PSD: variants seen among roughly 807,000 people sequenced by gnomAD.
PSD encodes pleckstrin and Sec7 domain containing.
PSD carries 32 observed loss-of-function variants against 91.6 expected under a neutral mutation model. That is an observed-to-expected ratio of 0.35 (90% CI 0.26 to 0.47). The LOEUF (loss-of-function observed/expected upper bound fraction) is 0.47. Ranked by LOEUF, PSD falls within the 20% of genes least tolerant of loss-of-function variation. PSD has a pLI of 1.00. For synonymous variants in PSD, 532 were observed against 569.3 expected (o/e 0.93, Z 0.93); for missense variants, 1,099 against 1,373.9 (o/e 0.80, Z 3.16).
chr10:102,402,844 A>T lies in PSD; in HGVS notation c.*356T>A. ...CTGTCCAAGCCAGGCCCCAGGACAG[A>T]GGGGGACTGATGGTGTCAGGGTGGG... is the stretch of plus-strand genomic sequence containing the variant. On this transcript the variant is annotated 3_prime_UTR_variant, in exon 17 of 17. Coordinates refer to ENST00000020673, the MANE Select transcript of PSD (RefSeq NM_002779.5). The T allele has an allele frequency of 3.9e-6, 1 of 258,270 alleles. No homozygotes were observed. The highest frequency in any genetic ancestry group is 7.3e-6 in the Non-Finnish European group (1 of 136,190). 16.0% of individuals were successfully genotyped at this position (258,270 alleles called of 1,614,324 possible). A position where few individuals can be genotyped will look rare whatever the true frequency, so the allele number is the denominator to read the frequency against.
intron 7 of PSD, 94 bp from the exon 8 acceptor site, chr10:102,411,913 G>A (rs2061428934): frequency 2.0e-6 from 2 of 983,752 alleles, no homozygotes; most frequent in Non-Finnish European, 3.2e-6. Context: ...CAGCAGCTGG[G>A]GTGGGAAGGG....
rs1565227813 is a variant in PSD at position 102,415,096 on chromosome 10, G to A, written c.891C>T (p.Arg297=). ...CCAGCACCTCATCGATGTCAGTCTC[G>A]CGGTAGCACCTCAGGGGCACCGTGT... ...DLDTVPLRCY[R]ETDIDEVLAE... The change falls in exon 4 of 17, where the codon CGC becomes CGT. Residue 297 remains arginine (R), a synonymous_variant. Transcript: ENST00000020673. 5 of 1,613,860 alleles carry A rather than the reference G, an allele frequency of 3.1e-6. No homozygotes were observed. The highest frequency in any genetic ancestry group is 3.3e-5 in the Admixed American group (2 of 60,006).
chr10:102,416,752 GC>G lies in PSD; in HGVS notation c.286del (p.Ala96ProfsTer16). The G allele has an allele frequency of 1.3e-6, 2 of 1,590,646 alleles. No homozygotes were observed. Among genetic ancestry groups the G allele is most frequent in the Non-Finnish European group, 1.7e-6 (2 of 1,168,620 alleles). Reference sequence around the variant, plus strand: ...GCGGAAGATGACCACAGAGCTCTGGGCCCCGGGTGGGGGCTGCCCAGTGGGT... The same window carrying G: ...GCGGAAGATGACCACAGAGCTCTGGGCCCGGGTGGGGGCTGCCCAGTGGGT... ...SSPTGQPPPG[A>X]QSSVVIFRFV... On this transcript the variant is annotated frameshift_variant, in exon 2 of 17. Coordinates refer to ENST00000020673, the MANE Select transcript of PSD (RefSeq NM_002779.5). LOFTEE classifies it high-confidence loss of function. This position sits in a 1 kb window ranked among gnomAD's most constrained non-coding sequence, Gnocchi z 6.0.
At position 102,410,997 on chromosome 10, in the gene PSD, A is replaced by T. The variant is rs2061419523; in HGVS notation, c.2002-50T>A. The stretch of plus-strand genomic sequence containing the variant: ...GAGTTTGGAGGGCCCTTGGCCTCCC[A>T]GGTCCTGCATGTCTGGCCAGGGGTT... On this transcript the variant is annotated intron_variant, in intron 9 of 16. Coordinates refer to ENST00000020673, the MANE Select transcript of PSD (RefSeq NM_002779.5). The surrounding 1 kb of genome is among the most constrained non-coding windows in gnomAD (Gnocchi z 6.0). The T allele has an allele frequency of 3.1e-6, 5 of 1,612,990 alleles. No individual in the cohort carries two copies. The highest frequency in any genetic ancestry group is 4.2e-6 in the Non-Finnish European group (5 of 1,179,118).
At chr10:102,406,508 CTTTTTTT>C (rs1192531225) in intron 11 of PSD, among the ~76,000 whole-genome samples, 22 of 140,100 alleles carry the variant, frequency 1.6e-4, no homozygotes, top group African/African-American at 2.7e-4. Flanking sequence ...TTTCTTTTTT[CTTTTTTT>C]TTTTTTTTTT....
Position 102,416,300 on chromosome 10 carries a change from G to T in PSD, c.654+85C>A. Reference sequence around the variant, plus strand: ...TAGAACAGATTAAAGGATTCAGAGTGAACAGCAGACAAGCCCATGTCTGAC... The same window carrying T: ...TAGAACAGATTAAAGGATTCAGAGTTAACAGCAGACAAGCCCATGTCTGAC... On this transcript the variant is annotated intron_variant, in intron 2 of 16. Coordinates refer to ENST00000020673, the MANE Select transcript of PSD (RefSeq NM_002779.5). The surrounding 1 kb of genome is among the most constrained non-coding windows in gnomAD (Gnocchi z 6.0). The T allele has an allele frequency of 6.9e-7, 1 of 1,458,698 alleles. No homozygotes were observed. The highest frequency in any genetic ancestry group is 9.3e-7 in the Non-Finnish European group (1 of 1,070,810). 90.4% of individuals were successfully genotyped at this position (1,458,698 alleles called of 1,614,324 possible). A position where few individuals can be genotyped will look rare whatever the true frequency, so the allele number is the denominator to read the frequency against.
chr10:102,408,839 G>A (rs2135453731), intron 10 of PSD: 3 of 978,408 alleles, frequency 3.1e-6, no homozygotes, highest in East Asian at 1.1e-4. Context: ...CCTCCCACAA[G>A]CCGCCCCCTC....
At position 102,417,086 on chromosome 10, in the gene PSD, C is replaced by T. The variant is rs538158149; in HGVS notation, c.-48G>A. On this transcript the variant is annotated 5_prime_UTR_variant, in exon 2 of 17. Transcript: ENST00000020673. ...GGGGGGCAGGGATGGCGAGGCCAGG[C>T]GGGGAGTAAGGGGGCTGCATGCTCT... 305 of 1,068,956 alleles carry T rather than the reference C, an allele frequency of 2.9e-4. No individual in the cohort carries two copies. Among genetic ancestry groups the T allele is most frequent in the Middle Eastern group, 1.2e-3 (4 of 3,462 alleles). The allele number at this position is 1,068,956 out of a possible 1,614,324, so 66.2% of individuals were successfully genotyped here.
At position 102,416,363 on chromosome 10, in the gene PSD, G is replaced by C. The variant is rs370008512; in HGVS notation, c.654+22C>G. 1.6e-5 allele frequency: 25 copies of C among 1,581,048 alleles called. No individual in the cohort carries two copies. In the African/African-American group the frequency reaches 3.3e-4, roughly 21 times the overall value. ...CTTGCCCCTTCACTGGGGGCCCAGG[G>C]AGCCCAGGGGAAGTTGCATACCTGG... On this transcript the variant is annotated intron_variant, in intron 2 of 16. Transcript: ENST00000020673. The surrounding 1 kb of genome is among the most constrained non-coding windows in gnomAD (Gnocchi z 6.0).
rs749581334 is a variant in PSD at position 102,403,235 on chromosome 10, G to A, written c.3040C>T (p.Arg1014Trp). 1.5e-5 allele frequency: 24 copies of A among 1,590,664 alleles called. No homozygotes were observed. In the Middle Eastern group the frequency reaches 6.7e-4, roughly 45 times the overall value. The change falls in exon 17 of 17, where the codon CGG becomes TGG. Residue 1014 changes from arginine (R) to tryptophan (W), a missense_variant. By Grantham distance (101) the Arg-to-Trp change is moderately radical. Transcript: ENST00000020673. The surrounding 1 kb of genome is among the most constrained non-coding windows in gnomAD (Gnocchi z 6.7). ...CGCCGCCCACTGCCTGCCCCTGGCC[G>A]AGGCTCTGAGCTGTGACGCTGAGCC... ...PRAQRHSSEP[R>W]PGAGSGRRKP
intron 10 of PSD, among the ~76,000 whole-genome samples, chr10:102,407,684 C>G (rs924446356): frequency 1.3e-5 from 2 of 152,288 alleles, no homozygotes; most frequent in Admixed American, 1.3e-4. Context: ...GCGCTCTGGC[C>G]TGTTTCCACA....
chr10:102,402,869 G>T lies in PSD; in HGVS notation c.*331C>A, dbSNP rs1024069323. On this transcript the variant is annotated 3_prime_UTR_variant, in exon 17 of 17. Transcript: ENST00000020673. Reference sequence around the variant, plus strand: ...AGGGGGACTGATGGTGTCAGGGTGGGGGTGGTCTCAGCAGAAAGCAGAAAC... The same window carrying T: ...AGGGGGACTGATGGTGTCAGGGTGGTGGTGGTCTCAGCAGAAAGCAGAAAC... 1 of 281,036 alleles carries T rather than the reference G, an allele frequency of 3.6e-6. No homozygotes were observed. Among genetic ancestry groups the T allele is most frequent in the African/African-American group, 2.2e-5 (1 of 45,520 alleles). 17.4% of individuals were successfully genotyped at this position (281,036 alleles called of 1,614,324 possible). A position where few individuals can be genotyped will look rare whatever the true frequency, so the allele number is the denominator to read the frequency against.
chr10:102,409,094 C>G lies in PSD; in HGVS notation c.2091+1764G>C. The G allele has an allele frequency of 1.0e-6, 1 of 983,686 alleles. No individual in the cohort carries two copies. The highest frequency in any genetic ancestry group is 1.2e-6 in the Non-Finnish European group (1 of 829,398). The allele number at this position is 983,686 out of a possible 1,614,324, so 60.9% of individuals were successfully genotyped here. A position where few individuals can be genotyped will look rare whatever the true frequency, so the allele number is the denominator to read the frequency against. ...GTGGATGCTGTTGACGCCGATCATGCTGGCCCGGCCGGCGCGCCGCGGCCC... is the reference window on the plus strand; with the variant it reads ...GTGGATGCTGTTGACGCCGATCATGGTGGCCCGGCCGGCGCGCCGCGGCCC... On this transcript the variant is annotated intron_variant, in intron 10 of 16. Coordinates refer to ENST00000020673, the MANE Select transcript of PSD (RefSeq NM_002779.5). This position sits in a 1 kb window ranked among gnomAD's most constrained non-coding sequence, Gnocchi z 5.7.
At position 102,404,284 on chromosome 10, in the gene PSD, C is replaced by T. The variant is rs1347921167; in HGVS notation, c.2700+299G>A. On this transcript the variant is annotated intron_variant, in intron 15 of 16. Transcript: ENST00000020673. This position sits in a 1 kb window ranked among gnomAD's most constrained non-coding sequence, Gnocchi z 5.7. ...AACGGCGTGAACCCGGGAGGCAGAGCTTGCAGTGAGCTGAGATCGTGCCAC... is the reference window on the plus strand; with the variant it reads ...AACGGCGTGAACCCGGGAGGCAGAGTTTGCAGTGAGCTGAGATCGTGCCAC... Among the ~76,000 whole-genome samples, 1 of 148,990 alleles carries T rather than the reference C, an allele frequency of 6.7e-6. No individual in the cohort carries two copies. The highest frequency in any genetic ancestry group is 1.5e-5 in the Non-Finnish European group (1 of 67,656).
intron 11 of PSD, among the ~76,000 whole-genome samples, chr10:102,406,696 A>ATG (rs2061365537): frequency 7.9e-5 from 12 of 151,766 alleles, no homozygotes; most frequent in South Asian, 4.2e-4. Context: ...TTTAGTGGAG[A>ATG]CGGTTTCACC....
At position 102,410,849 on chromosome 10, in the gene PSD, G is replaced by A. The variant is rs868295366; in HGVS notation, c.2091+9C>T. 2.6e-6 allele frequency: 4 copies of A among 1,555,188 alleles called. No individual in the cohort carries two copies. The highest frequency in any genetic ancestry group is 4.9e-5 in the East Asian group (2 of 40,960). ...CCTCCAGCGACTTCTACCCTGCCCC[G>A]CCCCCCACCTTGAGCAGCTCCCTAG... On this transcript the variant is annotated intron_variant, in intron 10 of 16. Coordinates refer to ENST00000020673, the MANE Select transcript of PSD (RefSeq NM_002779.5). This position sits in a 1 kb window ranked among gnomAD's most constrained non-coding sequence, Gnocchi z 6.0.
In PSD at chr10:102,409,881, C is replaced by T. The variant is rs2061407002; in HGVS notation, c.2091+977G>A. ...AGATGTAAACCCCACCACACATAAA[C>T]ATCCAGCCTACACCCCAACTCAAAC... On this transcript the variant is annotated intron_variant, in intron 10 of 16. Coordinates refer to ENST00000020673, the MANE Select transcript of PSD (RefSeq NM_002779.5). This position sits in a 1 kb window ranked among gnomAD's most constrained non-coding sequence, Gnocchi z 5.7. 6.6e-6 allele frequency among the ~76,000 whole-genome samples: 1 copy of T among 152,138 alleles called. No individual in the cohort carries two copies. Among genetic ancestry groups the T allele is most frequent in the Non-Finnish European group, 1.5e-5 (1 of 68,012 alleles).
intron 11 of PSD, among the ~76,000 whole-genome samples, chr10:102,406,873 T>A (rs762577041): frequency 6.6e-6 from 1 of 152,140 alleles, no homozygotes; most frequent in Non-Finnish European, 1.5e-5. Flanking sequence ...TTCTGTGACA[T>A]CTGGGCTCCC....
chr10:102,411,162 T>C, intron 8 of PSD, 46 bp from the exon 9 acceptor site: 1 of 1,546,814 alleles, frequency 6.5e-7, no homozygotes, highest in Non-Finnish European at 8.8e-7. Context: ...CCAGGGACCC[T>C]TCCCACAGCC....
Sources: gnomAD v4.1 joint callset for allele counts (sites outside exome capture counted in the v4.1 genomes callset) on GRCh38, gnomAD v4.1.1 for gene constraint, Gnocchi (gnomAD v3.1) non-coding constraint, MANE v1.5 for transcripts, NCBI Gene and HGNC (gene_info 2026-07-23, HGNC 2026-07-21) for gene names.